RFTN2: variants seen among roughly 807,000 people sequenced by gnomAD.
RFTN2 encodes raftlin-2.
Under a neutral mutation model 52.7 loss-of-function variants are expected in RFTN2, and 34 were observed. That is an observed-to-expected ratio of 0.64 (90% CI 0.49 to 0.86). The LOEUF (loss-of-function observed/expected upper bound fraction) is 0.86. Ranked by LOEUF, RFTN2 falls within the 40% of genes least tolerant of loss-of-function variation. The pLI is 0.00. For missense variants in RFTN2, 536 were observed against 600.1 expected (o/e 0.89, Z 1.12); for synonymous variants, 203 against 217.7 (o/e 0.93, Z 0.59).
intron 1 of RFTN2, among the ~76,000 whole-genome samples, chr2:197,656,618 GT>G (rs2088897061): frequency 6.6e-6 from 1 of 152,078 alleles, no homozygotes. Context: ...GTCATTGTTG[GT>G]TTAAAAAATC....
intron 3 of RFTN2, among the ~76,000 whole-genome samples, chr2:197,634,384 A>G (rs1352573254): frequency 6.6e-6 from 1 of 152,186 alleles, no homozygotes; most frequent in African/African-American, 2.4e-5. Context: ...ATTACCAAAT[A>G]CATCTTCATT....
At position 197,599,924 on chromosome 2, in the gene RFTN2, T is replaced by C. The variant is rs569848077; in HGVS notation, c.1155-3855A>G. 2.0e-5 allele frequency among the ~76,000 whole-genome samples: 3 copies of C among 152,250 alleles called. No individual in the cohort carries two copies. The East Asian group carries it at 5.8e-4, about 29-fold the overall frequency. On this transcript the variant is annotated intron_variant, in intron 7 of 8. Transcript: ENST00000295049. ...CCCAGGCTGGAGTGCAGTGGTATGA[T>C]CTGGGCTCACTGCAACCTCTGCCTT... is the stretch of plus-strand genomic sequence containing the variant.
At chr2:197,625,332 T>C in intron 5 of RFTN2, among the ~76,000 whole-genome samples, 1 of 152,092 alleles carries the variant, frequency 6.6e-6, no homozygotes, top group East Asian at 1.9e-4. Flanking sequence ...TCCCAGGGAA[T>C]GGTTTACTTT....
intron 8 of RFTN2, among the ~76,000 whole-genome samples, chr2:197,591,406 A>G (rs1285281688): frequency 1.3e-5 from 2 of 152,224 alleles, no homozygotes; most frequent in Non-Finnish European, 2.9e-5. Context: ...CTAGATACAG[A>G]GTGCGGATTG....
At chr2:197,580,245 T>C (rs574363923) in intron 8 of RFTN2, among the ~76,000 whole-genome samples, 122 of 152,208 alleles carry the variant, frequency 8.0e-4, no homozygotes, top group South Asian at 7.9e-3. Flanking sequence ...CTTCAAGGTG[T>C]ACAATAACAG....
intron 2 of RFTN2, 123 bp downstream of exon 2, chr2:197,646,360 A>T: frequency 1.4e-6 from 1 of 690,024 alleles, no homozygotes; most frequent in Non-Finnish European, 2.4e-6. Context: ...CTGCTGGAAA[A>T]TGTGCTTTAA....
intron 7 of RFTN2, 127 bp from the exon 8 acceptor site, chr2:197,596,196 A>C (rs774980924): frequency 4.3e-5 from 21 of 483,884 alleles, no homozygotes; most frequent in Non-Finnish European, 7.1e-5. Flanking sequence ...ATAAAATATA[A>C]ATCTTTTTTT....
At chr2:197,600,570 AG>A (rs2087864264) in intron 7 of RFTN2, among the ~76,000 whole-genome samples, 1 of 152,114 alleles carries the variant, frequency 6.6e-6, no homozygotes, top group African/African-American at 2.4e-5. Flanking sequence ...TGGTAAAGCA[AG>A]TAAGTCCCTT....
At chr2:197,626,218 A>T (rs2088356680) in intron 5 of RFTN2, among the ~76,000 whole-genome samples, 1 of 152,194 alleles carries the variant, frequency 6.6e-6, no homozygotes, top group South Asian at 2.1e-4. Flanking sequence ...TAGTTGTGTG[A>T]ATGCAGGCAC....
chr2:197,600,784 T>A (rs184191679), intron 7 of RFTN2, among the ~76,000 whole-genome samples: 1 of 152,346 alleles, frequency 6.6e-6, no homozygotes, highest in East Asian at 1.9e-4. Context: ...TGACTTAGTA[T>A]CTTCCTGAGA....
intron 2 of RFTN2, among the ~76,000 whole-genome samples, chr2:197,645,488 A>C (rs1448250059): frequency 6.6e-6 from 1 of 152,202 alleles, no homozygotes; most frequent in Non-Finnish European, 1.5e-5. Context: ...TTAATGTGTT[A>C]ATCTAAGATA....
At chr2:197,631,915 G>T (rs2088475114) in intron 4 of RFTN2, among the ~76,000 whole-genome samples, 1 of 152,066 alleles carries the variant, frequency 6.6e-6, no homozygotes, top group African/African-American at 2.4e-5. Flanking sequence ...TGGATTCCAT[G>T]GATTTCACCA....
intron 5 of RFTN2, among the ~76,000 whole-genome samples, chr2:197,627,874 C>T (rs1902248): frequency 0.24 from 30,760 of 127,736 alleles, 3,667 homozygotes; most frequent in Middle Eastern, 0.31. Context: ...ATCTGTCCCC[C>T]GCCCCCCCGC....
chr2:197,601,903 A>ACC (rs1485409524), intron 7 of RFTN2, among the ~76,000 whole-genome samples: 2 of 152,192 alleles, frequency 1.3e-5, no homozygotes, highest in Admixed American at 1.3e-4. Flanking sequence ...CCGTGGTATT[A>ACC]AAGTGTGACA....
intron 5 of RFTN2, among the ~76,000 whole-genome samples, chr2:197,629,208 A>G (rs1260348351): frequency 6.6e-6 from 1 of 152,256 alleles, no homozygotes; most frequent in Non-Finnish European, 1.5e-5. Flanking sequence ...ATGTCCATCA[A>G]TGATAGACTG....
chr2:197,655,987 T>C (rs558945684), intron 1 of RFTN2, among the ~76,000 whole-genome samples: 1 of 152,164 alleles, frequency 6.6e-6, no homozygotes, highest in South Asian at 2.1e-4. Context: ...AAAATACTTA[T>C]TAAAAGACCC....
chr2:197,624,311 AAG>A (rs2088316612), intron 5 of RFTN2, among the ~76,000 whole-genome samples: 1 of 152,082 alleles, frequency 6.6e-6, no homozygotes, highest in Non-Finnish European at 1.5e-5. Context: ...TTGTGAAAGA[AAG>A]AGCTGGCGTG....
intron 3 of RFTN2, among the ~76,000 whole-genome samples, chr2:197,640,117 C>A (rs1422300252): frequency 1.3e-5 from 2 of 152,346 alleles, no homozygotes. Context: ...CAGCTGCGTG[C>A]TGGGAGAACC....
At chr2:197,629,732 T>TTTTA (rs780251084) in intron 5 of RFTN2, among the ~76,000 whole-genome samples, 2 of 148,866 alleles carry the variant, frequency 1.3e-5, no homozygotes, top group East Asian at 1.9e-4. Flanking sequence ...TTTTATTTTA[T>TTTTA]TTTTTTTTGA....
Sources: gnomAD v4.1 joint callset for allele counts (sites outside exome capture counted in the v4.1 genomes callset) on GRCh38, gnomAD v4.1.1 for gene constraint, MANE v1.5 for transcripts, NCBI Gene and HGNC (gene_info 2026-07-23, HGNC 2026-07-21) for gene names.